USP8: variants seen among roughly 807,000 people sequenced by gnomAD.
USP8 encodes the protein ubiquitin carboxyl-terminal hydrolase 8.
In USP8, 27 loss-of-function variants were observed where a neutral mutation model predicts 130.0. The observed-to-expected ratio is 0.21, with a 90% CI of 0.15 to 0.29. The LOEUF (loss-of-function observed/expected upper bound fraction) is 0.29, where lower values mean the gene tolerates loss of function less well. Ranked by LOEUF, USP8 falls within the 10% of genes least tolerant of loss-of-function variation. USP8 has a pLI of 1.00. For missense variants in USP8, 1,029 were observed against 1,312.2 expected, an observed-to-expected ratio of 0.78 and a Z score of 3.33; for synonymous variants, 392 against 444.1, an observed-to-expected ratio of 0.88 and a Z score of 1.48.
Position 50,500,443 on chromosome 15 carries a change from C to A in USP8, c.*1355C>A. 1 of 232,472 alleles carries A rather than the reference C, an allele frequency of 4.3e-6. No homozygotes were observed. Among genetic ancestry groups the A allele is most frequent in the Middle Eastern group, 1.7e-3 (1 of 600 alleles). 14.4% of individuals were successfully genotyped at this position (232,472 alleles called of 1,614,324 possible). A position where few individuals can be genotyped will look rare whatever the true frequency, so the allele number is the denominator to read the frequency against. The stretch of plus-strand genomic sequence containing the variant: ...TGAAGGCCTGCATCCATTAGCATTG[C>A]ATTATATTCACACTGCCTTTTTTAG... On this transcript the variant is annotated 3_prime_UTR_variant, in exon 20 of 20. Transcript: ENST00000307179.
chr15:50,448,588 C>T (rs567306528), intron 3 of USP8, among the ~76,000 whole-genome samples: 3 of 151,538 alleles, frequency 2.0e-5, no homozygotes, highest in African/African-American at 7.3e-5. Flanking sequence ...GGCGCAATCT[C>T]GGCTCACTGC....
chr15:50,487,372 GA>G (rs1432746714), intron 12 of USP8, among the ~76,000 whole-genome samples: 3 of 151,600 alleles, frequency 2.0e-5, no homozygotes, highest in Non-Finnish European at 2.9e-5. Context: ...AAGAGAGAGA[GA>G]GAGAGAGAGA....
chr15:50,459,476 C>T (rs1028350106), intron 5 of USP8, among the ~76,000 whole-genome samples: 3 of 151,830 alleles, frequency 2.0e-5, no homozygotes, highest in African/African-American at 4.8e-5. Flanking sequence ...CCCAGCTACT[C>T]GAGAGGCTAA....
chr15:50,469,405 A>G (rs1260029074), intron 7 of USP8, among the ~76,000 whole-genome samples: 3 of 152,174 alleles, frequency 2.0e-5, no homozygotes, highest in African/African-American at 7.2e-5. Flanking sequence ...GTTGTTTCCC[A>G]AAGTGTTTTC....
In USP8 at chr15:50,481,765, A is replaced by G. The variant is rs2051781207; in HGVS notation, c.1503A>G (p.Gln501=). The stretch of plus-strand genomic sequence containing the variant: ...AACTGAGGAAGGAAGAACAAGAACA[A>G]AAAGCCAAAAAGAAACAAGAAGCTG... ...KEKLRKEEQE[Q]KAKKKQEAEE... Residue 501 remains glutamine (Q), a synonymous_variant, in exon 11 of 20, where the codon CAA becomes CAG. Transcript: ENST00000307179. The G allele has an allele frequency of 2.5e-6, 4 of 1,572,268 alleles. No individual in the cohort carries two copies. Among genetic ancestry groups the G allele is most frequent in the Non-Finnish European group, 3.4e-6 (4 of 1,162,596 alleles).
chr15:50,433,949 C>T (rs2050014938), intron 1 of USP8, among the ~76,000 whole-genome samples: 2 of 152,092 alleles, frequency 1.3e-5, no homozygotes, highest in South Asian at 2.1e-4. Flanking sequence ...TTGGGTTTCA[C>T]TTTTGGAGCA....
intron 4 of USP8, among the ~76,000 whole-genome samples, chr15:50,454,890 A>T (rs1418380004): frequency 6.6e-6 from 1 of 151,440 alleles, no homozygotes; most frequent in Non-Finnish European, 1.5e-5. Context: ...AAGCAATCCC[A>T]CCTCAGCCTC....
intron 18 of USP8, 172 bp downstream of exon 18, chr15:50,497,403 G>T (rs2052459008): frequency 1.6e-6 from 1 of 625,342 alleles, no homozygotes; most frequent in Non-Finnish European, 2.4e-6. Context: ...GTTCACCTCA[G>T]TGTTTTCAGT....
At chr15:50,456,067 CAG>C (rs1343374486) in intron 4 of USP8, among the ~76,000 whole-genome samples, 1 of 152,146 alleles carries the variant, frequency 6.6e-6, no homozygotes, top group African/African-American at 2.4e-5. Context: ...ATAGGTTACC[CAG>C]AGTTTATAGT....
At chr15:50,429,683 A>T (rs1253805459) in intron 1 of USP8, among the ~76,000 whole-genome samples, 2 of 152,156 alleles carry the variant, frequency 1.3e-5, no homozygotes, top group Non-Finnish European at 2.9e-5. Flanking sequence ...TTAAATATAT[A>T]AATAAGAAAA....
At chr15:50,482,363 A>T (rs1218464806) in intron 11 of USP8, among the ~76,000 whole-genome samples, 2 of 152,230 alleles carry the variant, frequency 1.3e-5, no homozygotes, top group Non-Finnish European at 2.9e-5. Context: ...TTGATGTATG[A>T]TCATGGGAAG....
chr15:50,425,276 A>G (rs138667305), intron 1 of USP8, among the ~76,000 whole-genome samples: 1 of 152,186 alleles, frequency 6.6e-6, no homozygotes, highest in Non-Finnish European at 1.5e-5. Context: ...GATGAAAGGG[A>G]TTTATATCTA....
At chr15:50,454,002 A>G (rs1461622814) in intron 4 of USP8, among the ~76,000 whole-genome samples, 1 of 151,286 alleles carries the variant, frequency 6.6e-6, no homozygotes, top group Non-Finnish European at 1.5e-5. Flanking sequence ...AGCTGGGACT[A>G]CAGGCGCACA....
In USP8 at chr15:50,510,149, G is replaced by A. The variant is rs984562841; in HGVS notation, c.*11061G>A. 2.4e-4 allele frequency: 36 copies of A among 151,778 alleles called. No individual in the cohort carries two copies. Among genetic ancestry groups the A allele is most frequent in the African/African-American group, 8.3e-4 (34 of 41,088 alleles). 9.4% of individuals were successfully genotyped at this position (151,778 alleles called of 1,614,324 possible). On this transcript the variant is annotated 3_prime_UTR_variant, in exon 20 of 20. Coordinates refer to ENST00000307179, the MANE Select transcript of USP8 (RefSeq NM_005154.5). ...AGACACACACAGCATAGGAAAACCAGCATTATATGTTACTGAGGAAAAGAA... is the reference window on the plus strand; with the variant it reads ...AGACACACACAGCATAGGAAAACCAACATTATATGTTACTGAGGAAAAGAA...
chr15:50,459,394 G>T (rs1048793732), intron 5 of USP8, among the ~76,000 whole-genome samples: 1 of 152,124 alleles, frequency 6.6e-6, no homozygotes, highest in Non-Finnish European at 1.5e-5. Context: ...AACCAGCCCG[G>T]CCAACATAGC....
chr15:50,484,266 AT>A lies in USP8; in HGVS notation c.1804-5del. ...TTCTTTCACTTCTGTAATTTTAATAATTTTACAGCCATTTAAGATTAAAGGA... is the reference window on the plus strand; with the variant it reads ...TTCTTTCACTTCTGTAATTTTAATAATTTACAGCCATTTAAGATTAAAGGA... On this transcript the variant is annotated splice_region_variant and splice_polypyrimidine_tract_variant and intron_variant, in intron 11 of 19. Coordinates refer to ENST00000307179, the MANE Select transcript of USP8 (RefSeq NM_005154.5). The A allele has an allele frequency of 6.3e-7, 1 of 1,596,958 alleles. No homozygotes were observed. Among genetic ancestry groups the A allele is most frequent in the Admixed American group, 1.8e-5 (1 of 55,732 alleles).
At chr15:50,465,882 G>A (rs1272943381) in intron 7 of USP8, among the ~76,000 whole-genome samples, 1 of 152,158 alleles carries the variant, frequency 6.6e-6, no homozygotes, top group Non-Finnish European at 1.5e-5. Flanking sequence ...GTTTCCATCT[G>A]TAAAATGGGG....
chr15:50,432,411 C>T (rs1319570917), intron 1 of USP8: 2 of 152,246 alleles, frequency 1.3e-5, no homozygotes, highest in Non-Finnish European at 2.9e-5. Context: ...CTCAGTCTCC[C>T]AGAGTGTTGG....
At chr15:50,432,161 C>T (rs2049953517) in intron 1 of USP8, among the ~76,000 whole-genome samples, 1 of 152,188 alleles carries the variant, frequency 6.6e-6, no homozygotes, top group Non-Finnish European at 1.5e-5. Context: ...ATTCCAAGAA[C>T]TGGGACCATA....
Sources: gnomAD v4.1 joint callset for allele counts (sites outside exome capture counted in the v4.1 genomes callset) on GRCh38, gnomAD v4.1.1 for gene constraint, MANE v1.5 for transcripts, NCBI Gene and HGNC (gene_info 2026-07-23, HGNC 2026-07-21) for gene names.